Variants in ARL15 observed in about 807,000 individuals in gnomAD.
The protein encoded by ARL15 is ADP-ribosylation factor-like protein 15.
A neutral mutation model predicts 25.2 loss-of-function variants in ARL15; 19 were observed. That is an observed-to-expected ratio of 0.75 (90% CI 0.53 to 1.10). The LOEUF is 1.10. Ranked by LOEUF, ARL15 falls within the 50% of genes least tolerant of loss-of-function variation. The pLI, the probability that ARL15 is intolerant of heterozygous loss-of-function variation, is 0.00. For synonymous variants in ARL15, 94 were observed against 86.8 expected, an observed-to-expected ratio of 1.08 and a Z score of -0.46; for missense variants, 220 against 246.0, an observed-to-expected ratio of 0.89 and a Z score of 0.71.
rs147291887 is a variant in ARL15 at position 54,230,704 on chromosome 5, C to T, written c.49-58776G>A. Among the ~76,000 whole-genome samples, 1,384 of 152,256 alleles carry T rather than the reference C, an allele frequency of 9.1e-3. 26 individuals carry two copies. Among genetic ancestry groups the T allele is most frequent in the African/African-American group, 0.029 (1,213 of 41,534 alleles). On this transcript the variant is annotated intron_variant, in intron 1 of 4. Transcript: ENST00000504924. ...TGTAATCCTGTCCTCTCCCTCTGTG[C>T]GCCCTCATCCAGGTTCTCACTCCCT...
intron 4 of ARL15, among the ~76,000 whole-genome samples, chr5:53,923,288 A>T (rs1185841238): frequency 1.3e-5 from 2 of 151,988 alleles, no homozygotes; most frequent in Admixed American, 1.3e-4. Flanking sequence ...CTTGAAACAC[A>T]AGTTTGTATT....
intron 1 of ARL15, among the ~76,000 whole-genome samples, chr5:54,173,209 A>T (rs144574322): frequency 0.014 from 2,148 of 152,026 alleles, 44 homozygotes; most frequent in African/African-American, 0.048. Flanking sequence ...AGAAAAGAAA[A>T]GAAAGAAAGA....
chr5:54,248,139 C>T lies in ARL15; in HGVS notation c.48+62293G>A, dbSNP rs115836485. Among the ~76,000 whole-genome samples the T allele has an allele frequency of 6.7e-3, 1,023 of 152,220 alleles. 10 individuals carry two copies. Among genetic ancestry groups the T allele is most frequent in the African/African-American group, 0.023 (957 of 41,534 alleles). On this transcript the variant is annotated intron_variant, in intron 1 of 4. Transcript: ENST00000504924. ...ACCTGCTATGAACTAAATTGTATCT[C>T]CCCCCAAATGTATATGTTGAAGCTC...
In ARL15 at chr5:54,034,620, T is replaced by C. The variant is rs141236610; in HGVS notation, c.462+78582A>G. On this transcript the variant is annotated intron_variant, in intron 4 of 4. Transcript: ENST00000504924. Reference sequence around the variant, plus strand: ...ACATAATTTGGTGGGTATGAAAAGATACTTTGTAAACATCAACTAATAAAG... The same window carrying C: ...ACATAATTTGGTGGGTATGAAAAGACACTTTGTAAACATCAACTAATAAAG... Among the ~76,000 whole-genome samples the C allele has an allele frequency of 9.9e-5, 15 of 152,260 alleles. No homozygotes were observed. The East Asian group carries it at 2.5e-3, about 25-fold the overall frequency.
intron 1 of ARL15, among the ~76,000 whole-genome samples, chr5:54,244,100 C>T (rs1030507542): frequency 2.1e-4 from 32 of 152,300 alleles, no homozygotes; most frequent in African/African-American, 4.3e-4. Flanking sequence ...ATAATATGAA[C>T]GTTTCCTTCA....
intron 4 of ARL15, among the ~76,000 whole-genome samples, chr5:54,093,976 G>A (rs1752208564): frequency 6.6e-6 from 1 of 152,136 alleles, no homozygotes; most frequent in African/African-American, 2.4e-5. Context: ...TTTCAGTGTG[G>A]TCTCAGAGTG....
chr5:53,934,557 A>G (rs577837634), intron 4 of ARL15, among the ~76,000 whole-genome samples: 1 of 152,292 alleles, frequency 6.6e-6, no homozygotes, highest in Admixed American at 6.5e-5. Context: ...TCTTTTCCCT[A>G]TAGTATGTAG....
At chr5:53,932,001 G>A (rs952632846) in intron 4 of ARL15, among the ~76,000 whole-genome samples, 3 of 152,146 alleles carry the variant, frequency 2.0e-5, no homozygotes, top group East Asian at 1.9e-4. Context: ...GGCCTTACGC[G>A]GCAACTCACA....
chr5:54,223,168 C>T (rs1363333390), intron 1 of ARL15, among the ~76,000 whole-genome samples: 1 of 151,646 alleles, frequency 6.6e-6, no homozygotes, highest in East Asian at 1.9e-4. Context: ...GGTAAATGTC[C>T]TCCCTCCTCC....
chr5:54,252,887 G>A (rs917432230), intron 1 of ARL15, among the ~76,000 whole-genome samples: 2 of 152,014 alleles, frequency 1.3e-5, no homozygotes, highest in Non-Finnish European at 1.5e-5. Flanking sequence ...CACCATGCCT[G>A]GAATGTTTTT....
At chr5:54,130,252 A>G (rs1445376948) in intron 3 of ARL15, among the ~76,000 whole-genome samples, 1 of 152,178 alleles carries the variant, frequency 6.6e-6, no homozygotes, top group East Asian at 1.9e-4. Flanking sequence ...GCAAAACCAT[A>G]AAATGTTTAA....
At chr5:54,210,226 A>G (rs114344891) in intron 1 of ARL15, among the ~76,000 whole-genome samples, 1,587 of 152,316 alleles carry the variant, frequency 0.01, 28 homozygotes, top group African/African-American at 0.036. Context: ...ATATATTGTA[A>G]GATTCTGTGA....
intron 1 of ARL15, among the ~76,000 whole-genome samples, chr5:54,226,350 G>A (rs1289162291): frequency 6.6e-6 from 1 of 152,226 alleles, no homozygotes. Flanking sequence ...GCTGTGACTG[G>A]AAGACAGCTC....
intron 1 of ARL15, among the ~76,000 whole-genome samples, chr5:54,286,895 G>T (rs1362953840): frequency 2.0e-5 from 3 of 149,660 alleles, no homozygotes; most frequent in African/African-American, 7.4e-5. Flanking sequence ...ATGAGACAGG[G>T]TCTTACTGTG....
At chr5:53,956,687 A>G (rs1437894983) in intron 4 of ARL15, among the ~76,000 whole-genome samples, 1 of 151,982 alleles carries the variant, frequency 6.6e-6, no homozygotes, top group African/African-American at 2.4e-5. Context: ...GAAATTATAA[A>G]AAGGAACCAA....
At chr5:54,305,286 G>A (rs1433252949) in intron 1 of ARL15, among the ~76,000 whole-genome samples, 2 of 152,036 alleles carry the variant, frequency 1.3e-5, no homozygotes, top group Non-Finnish European at 2.9e-5. Flanking sequence ...GATCACCTGA[G>A]GTCAGGAGTT....
chr5:54,061,653 C>G (rs894453624), intron 4 of ARL15, among the ~76,000 whole-genome samples: 10 of 152,100 alleles, frequency 6.6e-5, no homozygotes, highest in Admixed American at 5.9e-4. Flanking sequence ...GGAACCTCCA[C>G]CTAGATTTGA....
intron 4 of ARL15, among the ~76,000 whole-genome samples, chr5:54,006,098 G>A (rs942528951): frequency 2.8e-5 from 3 of 107,362 alleles, no homozygotes; most frequent in African/African-American, 7.1e-5. Context: ...GACTGTTTTT[G>A]TTTACATCTC....
chr5:54,047,096 T>G (rs1750546319), intron 4 of ARL15, among the ~76,000 whole-genome samples: 1 of 152,138 alleles, frequency 6.6e-6, no homozygotes, highest in Non-Finnish European at 1.5e-5. Flanking sequence ...AAATTCAACC[T>G]CAGACTCTAT....
Sources: allele counts gnomAD v4.1 joint callset (sites outside exome capture counted in the v4.1 genomes callset), GRCh38; gene constraint gnomAD v4.1.1; transcripts MANE v1.5; gene names NCBI Gene and HGNC (gene_info 2026-07-23, HGNC 2026-07-21).